PGM3: variants seen among roughly 807,000 people sequenced by gnomAD.
PGM3 encodes phosphoglucomutase 3, also known as phosphoacetylglucosamine mutase.
A neutral mutation model predicts 66.2 loss-of-function variants in PGM3; 40 were observed. That is an observed-to-expected ratio of 0.60 (90% CI 0.47 to 0.79). The LOEUF is 0.79. PGM3 is among the 30% of genes least tolerant of loss of function. The pLI is 0.00. For missense variants in PGM3, 537 were observed against 643.4 expected (o/e 0.83, Z 1.79); for synonymous variants, 191 against 224.2 (o/e 0.85, Z 1.32).
At chr6:83,155,242 G>A in the PGM3 span, among the ~76,000 whole-genome samples, 2 of 149,896 alleles carry the variant, frequency 1.3e-5, no homozygotes, top group East Asian at 4.0e-4. Context: ...CACTAGGATT[G>A]TTTGAGGCCA....
chr6:83,191,666 A>G (rs1419684652), intron 1 of PGM3, among the ~76,000 whole-genome samples: 2 of 152,208 alleles, frequency 1.3e-5, no homozygotes, highest in African/African-American at 4.8e-5. Context: ...TTCTTCTGAA[A>G]GAATGCCACC....
At chr6:83,158,099 G>C (rs1028858376), downstream of PGM3, among the ~76,000 whole-genome samples, 12 of 151,782 alleles carry the variant, frequency 7.9e-5, no homozygotes, top group Non-Finnish European at 1.8e-4. Flanking sequence ...CCCGGGTTCA[G>C]GCCATTCTCC....
chr6:83,172,128 T>G, intron 10 of PGM3, 69 bp from the exon 11 acceptor site: 1 of 1,512,254 alleles, frequency 6.6e-7, no homozygotes, highest in Admixed American at 1.7e-5. Flanking sequence ...ATGTTTTTTC[T>G]TAGAAAACCA....
Position 83,168,952 on chromosome 6 carries a change from C to T in PGM3, c.*282G>A. Reference sequence around the variant, plus strand: ...TTTCCAGTAGCCTGCATGAATTGTTCCCCACATAAAACTGTACAGTTAGTG... The same window carrying T: ...TTTCCAGTAGCCTGCATGAATTGTTTCCCACATAAAACTGTACAGTTAGTG... On this transcript the variant is annotated 3_prime_UTR_variant, in exon 13 of 13. Coordinates refer to ENST00000513973, the MANE Select transcript of PGM3 (RefSeq NM_015599.3). 8.7e-7 allele frequency: 1 copy of T among 1,148,718 alleles called. No homozygotes were observed. The highest frequency in any genetic ancestry group is 1.1e-6 in the Non-Finnish European group (1 of 930,500). The allele number at this position is 1,148,718 out of a possible 1,614,324, so 71.2% of individuals were successfully genotyped here.
intron 8 of PGM3, among the ~76,000 whole-genome samples, chr6:83,177,219 A>C (rs1210234949): frequency 6.6e-6 from 1 of 152,164 alleles, no homozygotes; most frequent in African/African-American, 2.4e-5. Flanking sequence ...TAGAGAATGG[A>C]AAGGTAACTA....
At chr6:83,179,654 A>G (rs1174025417) in intron 7 of PGM3, among the ~76,000 whole-genome samples, 156 bp downstream of exon 7, 4 of 152,168 alleles carry the variant, frequency 2.6e-5, no homozygotes, top group Non-Finnish European at 5.9e-5. Flanking sequence ...CAAATGTTCA[A>G]ATGACTGGGT....
intron 12 of PGM3, 159 bp downstream of exon 12, chr6:83,170,146 A>T (rs1350164814): frequency 6.3e-6 from 4 of 637,106 alleles, no homozygotes; most frequent in Non-Finnish European, 8.0e-6. Context: ...TTGTATAATT[A>T]CTGCTGGTGA....
chr6:83,158,763 G>A, downstream of PGM3: 1 of 676,788 alleles, frequency 1.5e-6, no homozygotes, highest in Non-Finnish European at 2.4e-6. Flanking sequence ...TGGATATAAT[G>A]TAGTTTTACT....
the PGM3 span, among the ~76,000 whole-genome samples, chr6:83,150,082 G>T: frequency 6.6e-6 from 1 of 152,144 alleles, no homozygotes; most frequent in Non-Finnish European, 1.5e-5. Flanking sequence ...ATTTGATCAT[G>T]AAAAGAAAGA....
chr6:83,156,844 A>C (rs1478775614), downstream of PGM3, among the ~76,000 whole-genome samples: 1 of 152,040 alleles, frequency 6.6e-6, no homozygotes, highest in Non-Finnish European at 1.5e-5. Flanking sequence ...TTTTTTGTTT[A>C]AGTTGACTAG....
intron 11 of PGM3, 137 bp from the exon 12 acceptor site, chr6:83,170,615 A>G (rs1428304805): frequency 1.4e-6 from 1 of 694,934 alleles, no homozygotes; most frequent in African/African-American, 1.8e-5. Flanking sequence ...GGTCAGGGTA[A>G]TTAATTTCAA....
At chr6:83,175,062 C>A (rs924226714) in intron 9 of PGM3, among the ~76,000 whole-genome samples, 2 of 152,150 alleles carry the variant, frequency 1.3e-5, no homozygotes, top group African/African-American at 4.8e-5. Flanking sequence ...AGGCCTAATA[C>A]TGAGCAAGAT....
rs555265645 is a variant in PGM3 at position 83,174,251 on chromosome 6, T to C, written c.1242+123A>G. On this transcript the variant is annotated intron_variant, in intron 10 of 12. Transcript: ENST00000513973. The stretch of plus-strand genomic sequence containing the variant: ...TAAATCTCAACTGAATATACCACTA[T>C]TAGAAGGAAGCCACCAGGCCAGGAC... 23 of 623,070 alleles carry C rather than the reference T, an allele frequency of 3.7e-5. No individual in the cohort carries two copies. The East Asian group carries it at 6.9e-4, about 19-fold the overall frequency. The allele number at this position is 623,070 out of a possible 1,614,324, so 38.6% of individuals were successfully genotyped here.
In PGM3 at chr6:83,169,327, C is replaced by T; in HGVS notation, c.1540-4G>A. 1 of 1,613,534 alleles carries T rather than the reference C, an allele frequency of 6.2e-7. No individual in the cohort carries two copies. Among genetic ancestry groups the T allele is most frequent in the Non-Finnish European group, 8.5e-7 (1 of 1,179,672 alleles). On this transcript the variant is annotated splice_region_variant and splice_polypyrimidine_tract_variant and intron_variant, in intron 12 of 12. Coordinates refer to ENST00000513973, the MANE Select transcript of PGM3 (RefSeq NM_015599.3). ...GTGCAAGGTGATCTGCACTTTCCTG[C>T]AAATTACATTAAAAGAGATTAGATG...
intron 7 of PGM3, among the ~76,000 whole-genome samples, chr6:83,179,039 G>A (rs146292937): frequency 4.0e-4 from 61 of 152,222 alleles, no homozygotes; most frequent in Middle Eastern, 3.4e-3. Context: ...GGCCAGGCAC[G>A]GTGGCTCACG....
the PGM3 span, among the ~76,000 whole-genome samples, chr6:83,154,564 A>G: frequency 6.6e-6 from 1 of 152,218 alleles, no homozygotes; most frequent in Non-Finnish European, 1.5e-5. Context: ...GCACATAATA[A>G]TAGCACTCAA....
downstream of PGM3, among the ~76,000 whole-genome samples, chr6:83,162,165 T>C (rs1234108829): frequency 6.6e-6 from 1 of 152,146 alleles, no homozygotes; most frequent in African/African-American, 2.4e-5. Context: ...CTGACAACAT[T>C]GATGAATCCT....
At chr6:83,155,195 C>T in the PGM3 span, among the ~76,000 whole-genome samples, 1 of 151,938 alleles carries the variant, frequency 6.6e-6, no homozygotes, top group Admixed American at 6.6e-5. Flanking sequence ...GGTGCAGTGG[C>T]TCACGCCTGT....
At chr6:83,151,848 G>T in the PGM3 span, 2 of 1,604,028 alleles carry the variant, frequency 1.2e-6, no homozygotes, top group East Asian at 4.5e-5. Context: ...GTGCATGTGT[G>T]TACCATACAT....
Sources: allele counts gnomAD v4.1 joint callset (sites outside exome capture counted in the v4.1 genomes callset), GRCh38; gene constraint gnomAD v4.1.1; transcripts MANE v1.5; gene names NCBI Gene and HGNC (gene_info 2026-07-23, HGNC 2026-07-21).